Variants in NBEA observed in about 807,000 individuals in gnomAD.
NBEA encodes lysosomal-trafficking regulator 2.
In NBEA, 44 loss-of-function variants were observed where a neutral mutation model predicts 343.4. That is an observed-to-expected ratio of 0.13 (90% CI 0.10 to 0.16). NBEA has a LOEUF of 0.16. Among genes scored for constraint, NBEA ranks in the 10% least tolerant of loss-of-function variants. The pLI is 1.00. For synonymous variants in NBEA, 1,175 were observed against 1,238.7 expected (o/e 0.95, Z 1.08); for missense variants, 2,555 against 3,631.3 (o/e 0.70, Z 7.62).
chr13:35,041,937 A>C (rs1566199004), intron 2 of NBEA, among the ~76,000 whole-genome samples: 1 of 151,978 alleles, frequency 6.6e-6, no homozygotes, highest in Non-Finnish European at 1.5e-5. Context: ...CTTCAGCCTA[A>C]GTATCTTCTG....
In NBEA at chr13:35,047,201, T is replaced by TTGTG. The variant is rs139134555; in HGVS notation, c.724-1338_724-1335dup. On this transcript the variant is annotated intron_variant, in intron 4 of 58. Transcript: ENST00000379939. The stretch of plus-strand genomic sequence containing the variant: ...ATAGGGTTTAACTCTTCATTTGAAA[T>TTGTG]TGTGTGTGTGTGTGTGTGTGTGTGT... 1.6e-3 allele frequency among the ~76,000 whole-genome samples: 244 copies of TTGTG among 148,066 alleles called. 1 individual carries two copies. Among genetic ancestry groups the TTGTG allele is most frequent in the East Asian group, 2.2e-3 (11 of 5,066 alleles).
chr13:35,212,175 C>G (rs886552301), intron 33 of NBEA, among the ~76,000 whole-genome samples: 3 of 152,136 alleles, frequency 2.0e-5, no homozygotes, highest in Admixed American at 1.3e-4. Flanking sequence ...AGTCACTGTT[C>G]TTGCTTTTCT....
Position 35,109,318 on chromosome 13 carries a change from T to C in NBEA, c.1709T>C (p.Val570Ala). 1 of 1,612,018 alleles carries C rather than the reference T, an allele frequency of 6.2e-7. No individual in the cohort carries two copies. The highest frequency in any genetic ancestry group is 8.5e-7 in the Non-Finnish European group (1 of 1,178,872). The stretch of plus-strand genomic sequence containing the variant: ...TCAAGAGTTCATATAACTAGAGCTG[T>C]CCTGGAGCAATTTTTATCTTTTGCA... ...KSSRVHITRA[V>A]LEQFLSFAKY... The change falls in exon 12 of 59, where the codon GTC becomes GCC. Residue 570 changes from valine to alanine, a missense_variant. By Grantham distance (64) the Val-to-Ala change is moderately conservative. This residue lies in a region of NBEA where 360 missense variants were observed against 519.1 expected (regional missense o/e 0.69). Transcript: ENST00000379939.
At chr13:35,005,229 T>C (rs1475784544) in intron 1 of NBEA, among the ~76,000 whole-genome samples, 1 of 151,910 alleles carries the variant, frequency 6.6e-6, no homozygotes, top group African/African-American at 2.4e-5. Flanking sequence ...TTTTTTTTTT[T>C]TTCTGACCAT....
chr13:35,671,170 C>G lies in NBEA; in HGVS notation c.*179C>G, dbSNP rs566853568. On this transcript the variant is annotated 3_prime_UTR_variant, in exon 59 of 59. Transcript: ENST00000379939. Reference sequence around the variant, plus strand: ...TTTTACTTTGTGTGTTTTTTCACGACTGAACACCAGCTGCTATCAAGCAAG... The same window carrying G: ...TTTTACTTTGTGTGTTTTTTCACGAGTGAACACCAGCTGCTATCAAGCAAG... 4.5e-5 allele frequency: 25 copies of G among 553,086 alleles called. No homozygotes were observed. Among genetic ancestry groups the G allele is most frequent in the Non-Finnish European group, 7.8e-5 (24 of 308,232 alleles). 34.3% of individuals were successfully genotyped at this position (553,086 alleles called of 1,614,324 possible).
intron 36 of NBEA, among the ~76,000 whole-genome samples, chr13:35,333,330 A>G (rs1218988767): frequency 1.3e-5 from 2 of 152,182 alleles, no homozygotes; most frequent in Non-Finnish European, 2.9e-5. Context: ...CAAGTTGGAA[A>G]AAAGATGTTT....
At chr13:35,480,163 A>G in intron 41 of NBEA, among the ~76,000 whole-genome samples, 1 of 152,074 alleles carries the variant, frequency 6.6e-6, no homozygotes, top group Non-Finnish European at 1.5e-5. Flanking sequence ...TAACACTTCG[A>G]AGCGTTCGAA....
chr13:35,099,987 A>G, intron 11 of NBEA, among the ~76,000 whole-genome samples: 1 of 152,158 alleles, frequency 6.6e-6, no homozygotes, highest in East Asian at 1.9e-4. Context: ...AGCTGCTCTG[A>G]AAATGAAACT....
intron 38 of NBEA, among the ~76,000 whole-genome samples, chr13:35,365,683 TATC>T (rs2041063795): frequency 6.6e-6 from 1 of 151,676 alleles, no homozygotes; most frequent in Admixed American, 6.6e-5. Context: ...TTTATTTATA[TATC>T]ATCACATTTT....
At chr13:35,030,906 A>C (rs1487872354) in intron 1 of NBEA, among the ~76,000 whole-genome samples, 1 of 151,650 alleles carries the variant, frequency 6.6e-6, no homozygotes, top group Non-Finnish European at 1.5e-5. Context: ...ACAGAGCCTG[A>C]TTGTTAGAAT....
chr13:35,430,945 T>G (rs1236535330), intron 38 of NBEA, among the ~76,000 whole-genome samples: 1 of 152,116 alleles, frequency 6.6e-6, no homozygotes, highest in African/African-American at 2.4e-5. Flanking sequence ...TAAAGCATAC[T>G]TCAAAGACTT....
intron 26 of NBEA, among the ~76,000 whole-genome samples, chr13:35,173,062 A>G (rs181623893): frequency 1.6e-4 from 24 of 152,188 alleles, no homozygotes; most frequent in Admixed American, 1.2e-3. Flanking sequence ...AGTCGACAAG[A>G]TAGTCAAATT....
intron 34 of NBEA, among the ~76,000 whole-genome samples, chr13:35,240,390 C>T (rs2030020418): frequency 6.6e-6 from 1 of 151,770 alleles, no homozygotes; most frequent in South Asian, 2.1e-4. Flanking sequence ...GCTTCAATGG[C>T]TGCTAAACTC....
intron 1 of NBEA, among the ~76,000 whole-genome samples, chr13:35,014,046 A>G (rs943207848): frequency 2.6e-5 from 4 of 152,152 alleles, no homozygotes; most frequent in African/African-American, 9.6e-5. Flanking sequence ...TTTTTGTTGA[A>G]AGCTTTTTAA....
intron 18 of NBEA, among the ~76,000 whole-genome samples, chr13:35,146,089 T>C (rs1363201059): frequency 2.0e-5 from 3 of 152,178 alleles, no homozygotes; most frequent in Non-Finnish European, 4.4e-5. Context: ...CATTTCCAGA[T>C]CTTACTTTGG....
At chr13:35,340,339 A>G (rs1346766264) in intron 36 of NBEA, among the ~76,000 whole-genome samples, 1 of 152,118 alleles carries the variant, frequency 6.6e-6, no homozygotes, top group East Asian at 1.9e-4. Context: ...TGGATGCTAA[A>G]TAAAATAAGC....
intron 41 of NBEA, among the ~76,000 whole-genome samples, chr13:35,497,818 T>G (rs1275004951): frequency 6.6e-6 from 1 of 152,078 alleles, no homozygotes. Context: ...GCCTTTCCAC[T>G]AATTTTCTAC....
chr13:35,350,725 TTGATGTG>T (rs1423777644), intron 37 of NBEA, among the ~76,000 whole-genome samples: 16 of 137,544 alleles, frequency 1.2e-4, no homozygotes, highest in African/African-American at 4.5e-4. Flanking sequence ...GTTAGAGCTA[TTGATGTG>T]TGTGTGTGTG....
At chr13:35,580,334 T>C (rs1006517620) in intron 45 of NBEA, among the ~76,000 whole-genome samples, 30 of 152,156 alleles carry the variant, frequency 2.0e-4, no homozygotes, top group African/African-American at 6.8e-4. Context: ...CACTATTTAT[T>C]GATGTAGTAA....
Sources: allele counts gnomAD v4.1 joint callset (sites outside exome capture counted in the v4.1 genomes callset), GRCh38; gene constraint gnomAD v4.1.1; regional missense constraint gnomAD v4.1.1; transcripts MANE v1.5; gene names NCBI Gene and HGNC (gene_info 2026-07-23, HGNC 2026-07-21).